NRIP2: variants seen among roughly 807,000 people sequenced by gnomAD.
The protein encoded by NRIP2 is nuclear receptor interacting protein 2, also known as nuclear receptor-interacting protein 2.
Under a neutral mutation model 34.1 loss-of-function variants are expected in NRIP2, and 27 were observed. The ratio of observed to expected loss-of-function variants is 0.79; its 90% CI spans 0.58 to 1.09. The LOEUF is 1.09. Among genes scored for constraint, NRIP2 ranks in the 50% least tolerant of loss-of-function variants. The pLI is 0.00. For synonymous variants in NRIP2, 145 were observed against 146.9 expected (o/e 0.99, Z 0.09); for missense variants, 385 against 352.6 (o/e 1.09, Z -0.74).
rs373849249 is a variant in NRIP2, at chr12:2,828,340, G to T, written c.570C>A (p.Ser190Arg). 4 of 1,613,962 alleles carry T rather than the reference G, an allele frequency of 2.5e-6. No individual in the cohort carries two copies. The highest frequency in any genetic ancestry group is 2.5e-6 in the Non-Finnish European group (3 of 1,179,974). ...TTGGGCCACATTCTTACCCCAGGCG[G>T]CTGAGACATCCAGCAGAGATCCGAT... is the stretch of plus-strand genomic sequence containing the variant. Reference protein sequence around the residue: ...QYNRISAGCLSRLGLEKRVLK... With the variant: ...QYNRISAGCLRRLGLEKRVLK... Residue 190 changes from serine (S) to arginine (R), a missense_variant, in exon 3 of 6, where the codon AGC becomes AGA. By Grantham distance (110) the Ser-to-Arg change is moderately radical (BLOSUM62 -1). Transcript: ENST00000337508.
intron 1 of NRIP2, among the ~76,000 whole-genome samples, chr12:2,831,552 C>A (rs1219186432): frequency 6.6e-6 from 1 of 151,958 alleles, no homozygotes; most frequent in Non-Finnish European, 1.5e-5. Flanking sequence ...CCACTGCACT[C>A]CAGTCTGGTT....
At chr12:2,833,946 C>T (rs544095059) in intron 1 of NRIP2, among the ~76,000 whole-genome samples, 13 of 152,358 alleles carry the variant, frequency 8.5e-5, no homozygotes, top group East Asian at 1.9e-4. Flanking sequence ...TGCGCAGCCC[C>T]GCTTGTCAGC....
Position 2,830,797 on chromosome 12 carries a change from G to C in NRIP2, c.406C>G (p.Pro136Ala), listed in dbSNP as rs761509757. 1 of 1,613,778 alleles carries C rather than the reference G, an allele frequency of 6.2e-7. No homozygotes were observed. Among genetic ancestry groups the C allele is most frequent in the South Asian group, 1.1e-5 (1 of 90,966 alleles). ...TGAATCAGGTCCTGCATCCGGGGAG[G>C]CTCCCCCTGAAGCCAATTCGGGTTT... ...EGNPNWLQGEPPRMQDLIHGQ... is the reference protein window; with the variant it reads ...EGNPNWLQGEAPRMQDLIHGQ... The change falls in exon 2 of 6, where the codon CCT (proline) becomes GCT (alanine). Residue 136 changes from proline (P) to alanine (A), a missense_variant. By Grantham distance (27) the Pro-to-Ala change is conservative. Transcript: ENST00000337508.
chr12:2,832,542 A>C (rs901988357), intron 1 of NRIP2, among the ~76,000 whole-genome samples: 5 of 151,848 alleles, frequency 3.3e-5, no homozygotes, highest in African/African-American at 1.2e-4. Context: ...TGTACATCCT[A>C]TAATGCAGGA....
rs754464202 is a variant in NRIP2, at chr12:2,828,347, C to A, written c.563G>T (p.Cys188Phe). ...ACATTCTTACCCCAGGCGGCTGAGA[C>A]ATCCAGCAGAGATCCGATTGTATTG... Reference protein sequence around the residue: ...GTQYNRISAGCLSRLGLEKRV... With the variant: ...GTQYNRISAGFLSRLGLEKRV... Residue 188 changes from cysteine to phenylalanine, a missense_variant, in exon 3 of 6, where the codon TGT becomes TTT. By Grantham distance (205) the Cys-to-Phe change is radical. Coordinates refer to ENST00000337508, the MANE Select transcript of NRIP2 (RefSeq NM_031474.3). 8 of 1,614,160 alleles carry A rather than the reference C, an allele frequency of 5.0e-6. No individual in the cohort carries two copies. The highest frequency in any genetic ancestry group is 1.7e-6 in the Non-Finnish European group (2 of 1,180,014).
Position 2,830,761 on chromosome 12 carries a change from T to A in NRIP2, c.442A>T (p.Ser148Cys), listed in dbSNP as rs749448544. 1.7e-5 allele frequency: 28 copies of A among 1,613,740 alleles called. No homozygotes were observed. In the South Asian group the frequency reaches 3.0e-4, roughly 17 times the overall value. Residue 148 changes from serine to cysteine, a missense_variant, in exon 2 of 6, where the codon AGC becomes TGC. By Grantham distance (112) the Ser-to-Cys change is moderately radical. Transcript: ENST00000337508. ...RMQDLIHGQE[S>C]RRKTSRTEIP... ...TCTGTCCTGCTGGTCTTCCTCCTGC[T>A]CTCCTGGCCATGAATCAGGTCCTGC...
Position 2,827,329 on chromosome 12 carries a change from C to A in NRIP2, c.754-30G>T. On this transcript the variant is annotated intron_variant, in intron 5 of 5. Coordinates refer to ENST00000337508, the MANE Select transcript of NRIP2 (RefSeq NM_031474.3). The surrounding 1 kb of genome is among the most constrained non-coding windows in gnomAD (Gnocchi z 4.0). ...GGGGTGTAGAGCAGTCATGCCAGGTCACCTCAGCCCGCCACCTGCCTCCCG... is the reference window on the plus strand; with the variant it reads ...GGGGTGTAGAGCAGTCATGCCAGGTAACCTCAGCCCGCCACCTGCCTCCCG... 6.3e-7 allele frequency: 1 copy of A among 1,596,216 alleles called. No individual in the cohort carries two copies. The highest frequency in any genetic ancestry group is 1.1e-5 in the South Asian group (1 of 88,902).
chr12:2,830,457 T>A, intron 2 of NRIP2: 1 of 436,136 alleles, frequency 2.3e-6, no homozygotes, highest in South Asian at 4.1e-5. Context: ...AGTACTTACT[T>A]AATTTAAGTA....
At chr12:2,832,728 C>G (rs1285257464) in intron 1 of NRIP2, among the ~76,000 whole-genome samples, 3 of 149,566 alleles carry the variant, frequency 2.0e-5, no homozygotes, top group Non-Finnish European at 4.4e-5. Flanking sequence ...TTTTTATATC[C>G]CAGGGCATGG....
At position 2,827,091 on chromosome 12, in the gene NRIP2, G is replaced by A; in HGVS notation, c.*116C>T. ...ATGGGACAGCAGGGGTCAGGGAGGT[G>A]ATTGGAAGGGCAGACACCATAGTCC... On this transcript the variant is annotated 3_prime_UTR_variant, in exon 6 of 6. Transcript: ENST00000337508. This position sits in a 1 kb window ranked among gnomAD's most constrained non-coding sequence, Gnocchi z 4.0. The A allele has an allele frequency of 6.5e-7, 1 of 1,539,400 alleles. No homozygotes were observed. Among genetic ancestry groups the A allele is most frequent in the South Asian group, 1.2e-5 (1 of 81,916 alleles).
chr12:2,827,644 T>G lies in NRIP2; in HGVS notation c.734A>C (p.Gln245Pro). Residue 245 changes from glutamine to proline, a missense_variant, in exon 5 of 6, where the codon CAG (glutamine) becomes CCG (proline). Gln to Pro is a moderately conservative substitution (Grantham distance 76). Transcript: ENST00000337508. The surrounding 1 kb of genome is among the most constrained non-coding windows in gnomAD (Gnocchi z 4.0). ...CCTTACCTTGAGAGAAAGCAGAGTC[T>G]GCAGGCCCAGGCAGAATTCAGGACT... is the stretch of plus-strand genomic sequence containing the variant. ...AESPEFCLGL[Q>P]TLLSLKCCID... 6.2e-7 allele frequency: 1 copy of G among 1,614,196 alleles called. No individual in the cohort carries two copies.
At position 2,828,377 on chromosome 12, in the gene NRIP2, C is replaced by T. The variant is rs768851965; in HGVS notation, c.533G>A (p.Gly178Asp). 1.9e-6 allele frequency: 3 copies of T among 1,614,002 alleles called. No individual in the cohort carries two copies. The highest frequency in any genetic ancestry group is 1.3e-5 in the African/African-American group (1 of 74,918). Residue 178 changes from glycine (G) to aspartate (D), a missense_variant, in exon 3 of 6, where the codon GGC (glycine) becomes GAC (aspartate). Gly to Asp is a moderately conservative substitution (Grantham distance 94, BLOSUM62 -1). Coordinates refer to ENST00000337508, the MANE Select transcript of NRIP2 (RefSeq NM_031474.3). Reference protein sequence around the residue: ...DQLLRVAVDTGTQYNRISAGC... With the variant: ...DQLLRVAVDTDTQYNRISAGC... ...AGCAGAGATCCGATTGTATTGGGTG[C>T]CTGTGTCAACGGCCACTCTAAGCAG...
At position 2,826,593 on chromosome 12, in the gene NRIP2, G is replaced by GA. The variant is rs2097968363; in HGVS notation, c.*613dup. The GA allele has an allele frequency of 6.5e-6, 1 of 152,688 alleles. No homozygotes were observed. The highest frequency in any genetic ancestry group is 2.4e-5 in the African/African-American group (1 of 41,420). 9.5% of individuals were successfully genotyped at this position (152,688 alleles called of 1,614,324 possible). ...TGGCTTCAGACATTTGCAGCCACAG[G>GA]AAAAAATAGCTCTCAGCCTTATGAG... On this transcript the variant is annotated 3_prime_UTR_variant, in exon 6 of 6. Transcript: ENST00000337508.
Position 2,826,023 on chromosome 12 carries a change from C to CA in NRIP2, c.*1183dup, listed in dbSNP as rs1258826921. On this transcript the variant is annotated 3_prime_UTR_variant, in exon 6 of 6. Transcript: ENST00000337508. Reference sequence around the variant, plus strand: ...AAGTGATCCACCCACCTCAGCCTCCCAAAGTGCTGGGATTACAGGCATGAG... The same window carrying CA: ...AAGTGATCCACCCACCTCAGCCTCCCAAAAGTGCTGGGATTACAGGCATGAG... 6.6e-6 allele frequency: 1 copy of CA among 152,270 alleles called. No individual in the cohort carries two copies. Among genetic ancestry groups the CA allele is most frequent in the Non-Finnish European group, 1.5e-5 (1 of 68,164 alleles). 9.4% of individuals were successfully genotyped at this position (152,270 alleles called of 1,614,324 possible).
At chr12:2,828,486 C>T in intron 2 of NRIP2, 72 bp from the exon 3 acceptor site, 1 of 1,151,362 alleles carries the variant, frequency 8.7e-7, no homozygotes. Flanking sequence ...CTTCAGTTTC[C>T]CAGCCCATTG....
At chr12:2,828,511 G>T in intron 2 of NRIP2, 97 bp from the exon 3 acceptor site, 3 of 914,736 alleles carry the variant, frequency 3.3e-6, no homozygotes, top group Non-Finnish European at 5.3e-6. Context: ...TTCCCTCCTA[G>T]AAATGAGTGG....
chr12:2,829,264 A>G (rs776141602), intron 2 of NRIP2, among the ~76,000 whole-genome samples: 2 of 151,254 alleles, frequency 1.3e-5, no homozygotes, highest in Admixed American at 6.6e-5. Context: ...CGCTATTGGA[A>G]ACAAAGGAAG....
chr12:2,827,279 G>C lies in NRIP2; in HGVS notation c.774C>G (p.His258Gln), dbSNP rs758577071. Residue 258 changes from histidine (H) to glutamine (Q), a missense_variant, in exon 6 of 6, where the codon CAC becomes CAG. Physicochemically the swap from His to Gln is conservative, Grantham distance 24. Transcript: ENST00000337508. This position sits in a 1 kb window ranked among gnomAD's most constrained non-coding sequence, Gnocchi z 4.0. ...ACGGGGCTTTCAGCCGCAGCACTCC[G>C]TGCTCCAGGTCGATGCAGCACTGCG... ...LSLKCCIDLE[H>Q]GVLRLKAPFS... 1.2e-6 allele frequency: 2 copies of C among 1,613,824 alleles called. No homozygotes were observed. The highest frequency in any genetic ancestry group is 2.7e-5 in the African/African-American group (2 of 74,940).
Position 2,826,767 on chromosome 12 carries a change from G to A in NRIP2, c.*440C>T, listed in dbSNP as rs1288321343. On this transcript the variant is annotated 3_prime_UTR_variant, in exon 6 of 6. Coordinates refer to ENST00000337508, the MANE Select transcript of NRIP2 (RefSeq NM_031474.3). ...TAGGTTGGTGAGGCATGGCGGTCTA[G>A]TTGTGGGAGATAATGAGGCCCAGAA... The A allele has an allele frequency of 4.6e-6, 1 of 215,518 alleles. No homozygotes were observed. The highest frequency in any genetic ancestry group is 1.8e-4 in the East Asian group (1 of 5,600). The allele number at this position is 215,518 out of a possible 1,614,324, so 13.4% of individuals were successfully genotyped here.
Sources: allele counts gnomAD v4.1 joint callset (sites outside exome capture counted in the v4.1 genomes callset), GRCh38; gene constraint gnomAD v4.1.1; non-coding constraint Gnocchi (gnomAD v3.1); transcripts MANE v1.5; gene names NCBI Gene and HGNC (gene_info 2026-07-23, HGNC 2026-07-21).